The following TACR3 variants were observed in gnomAD, a reference collection of about 807,000 sequenced individuals.
The protein encoded by TACR3 is neuromedin-K receptor.
In TACR3, 34 loss-of-function variants were observed where a neutral mutation model predicts 35.0. That is an observed-to-expected ratio of 0.97 (90% CI 0.74 to 1.30). The LOEUF (loss-of-function observed/expected upper bound fraction) is 1.30, where lower values mean the gene tolerates loss of function less well. Among genes scored for constraint, TACR3 ranks in the 50% most tolerant of loss-of-function variants. The pLI is 0.00. For synonymous variants in TACR3, 233 were observed against 221.1 expected (o/e 1.05, Z -0.48); for missense variants, 558 against 591.7 (o/e 0.94, Z 0.59).
chr4:103,628,804 A>C (rs369182238), intron 3 of TACR3, among the ~76,000 whole-genome samples: 1 of 151,002 alleles, frequency 6.6e-6, no homozygotes. Flanking sequence ...TTTATGAGGC[A>C]AGCATCATCC....
At chr4:103,601,435 T>G (rs55691624) in intron 3 of TACR3, among the ~76,000 whole-genome samples, 5,257 of 152,240 alleles carry the variant, frequency 0.035, 329 homozygotes, top group African/African-American at 0.12. Flanking sequence ...ATTATGATGT[T>G]AGCTGGTTAT....
chr4:103,716,171 A>T (rs924209932), intron 1 of TACR3, among the ~76,000 whole-genome samples: 5 of 151,122 alleles, frequency 3.3e-5, no homozygotes, highest in African/African-American at 1.2e-4. Flanking sequence ...TTGGGGAAGG[A>T]TGGTGGAGAG....
chr4:103,699,695 A>T (rs752025711), intron 1 of TACR3, among the ~76,000 whole-genome samples: 1 of 152,158 alleles, frequency 6.6e-6, no homozygotes, highest in Non-Finnish European at 1.5e-5. Flanking sequence ...AGTAGACATG[A>T]CTAGATTTGC....
chr4:103,658,376 T>C lies in TACR3; in HGVS notation c.576A>G (p.Lys192=). ...DRYMAIIDPL[K]PRLSATATKI... The stretch of plus-strand genomic sequence containing the variant: ...TGGTTGCTGTAGCAGACAGTCTGGG[T>C]TTCAAGGGATCAATAATAGCCATAT... Residue 192 remains lysine (K), a synonymous_variant, in exon 2 of 5, where the codon AAA becomes AAG. Coordinates refer to ENST00000304883, the MANE Select transcript of TACR3 (RefSeq NM_001059.3). 3 of 1,613,736 alleles carry C rather than the reference T, an allele frequency of 1.9e-6. No individual in the cohort carries two copies. The highest frequency in any genetic ancestry group is 2.5e-6 in the Non-Finnish European group (3 of 1,179,878).
At chr4:103,710,826 C>G (rs1366526083) in intron 1 of TACR3, among the ~76,000 whole-genome samples, 2 of 152,116 alleles carry the variant, frequency 1.3e-5, no homozygotes, top group South Asian at 4.1e-4. Context: ...ACTGATCCCA[C>G]GGAAATACGA....
At chr4:103,674,351 A>G (rs2110205113) in intron 1 of TACR3, among the ~76,000 whole-genome samples, 1 of 151,852 alleles carries the variant, frequency 6.6e-6, no homozygotes, top group East Asian at 1.9e-4. Flanking sequence ...GGTCCTCAGG[A>G]AGAGTGAGTA....
At chr4:103,639,793 G>T (rs1279475708) in intron 3 of TACR3, among the ~76,000 whole-genome samples, 1 of 151,892 alleles carries the variant, frequency 6.6e-6, no homozygotes, top group African/African-American at 2.4e-5. Context: ...AACCCTTCTA[G>T]TTACTTCTTT....
At chr4:103,693,614 A>G (rs571216897) in intron 1 of TACR3, among the ~76,000 whole-genome samples, 1 of 152,222 alleles carries the variant, frequency 6.6e-6, no homozygotes, top group Non-Finnish European at 1.5e-5. Context: ...GCATATTTGT[A>G]TTGATATTTT....
intron 1 of TACR3, among the ~76,000 whole-genome samples, chr4:103,697,342 G>A (rs188818267): frequency 3.9e-4 from 60 of 152,180 alleles, no homozygotes; most frequent in Admixed American, 6.5e-4. Context: ...TTAATATGAC[G>A]TGGTAACTGA....
chr4:103,629,154 C>T (rs891730692), intron 3 of TACR3, among the ~76,000 whole-genome samples: 26 of 152,240 alleles, frequency 1.7e-4, no homozygotes, highest in African/African-American at 4.8e-4. Context: ...ATAATCAGAG[C>T]TATTTATGAC....
chr4:103,601,660 G>C (rs1360991298), intron 3 of TACR3, among the ~76,000 whole-genome samples: 2 of 152,118 alleles, frequency 1.3e-5, no homozygotes, highest in Non-Finnish European at 1.5e-5. Flanking sequence ...AGTTTGGCTG[G>C]ATATGAAATT....
intron 3 of TACR3, among the ~76,000 whole-genome samples, chr4:103,596,952 T>C (rs1402575274): frequency 2.0e-5 from 3 of 151,998 alleles, no homozygotes; most frequent in African/African-American, 7.3e-5. Context: ...TATGGCTGCA[T>C]AGTATTCCAT....
intron 1 of TACR3, among the ~76,000 whole-genome samples, chr4:103,692,691 T>C (rs1722432608): frequency 6.6e-6 from 1 of 152,162 alleles, no homozygotes; most frequent in South Asian, 2.1e-4. Flanking sequence ...ACAAATCCAA[T>C]CAGTGGAACC....
intron 1 of TACR3, among the ~76,000 whole-genome samples, chr4:103,713,389 G>A (rs553842889): frequency 1.6e-4 from 24 of 146,122 alleles, no homozygotes; most frequent in Admixed American, 1.4e-3. Flanking sequence ...ACCAAACAGC[G>A]CATGTTCTCA....
At chr4:103,624,711 T>C (rs1213331766) in intron 3 of TACR3, among the ~76,000 whole-genome samples, 1 of 152,174 alleles carries the variant, frequency 6.6e-6, no homozygotes, top group African/African-American at 2.4e-5. Flanking sequence ...AGCATTTGTG[T>C]AACATGGTTT....
At chr4:103,691,497 G>A (rs769510042) in intron 1 of TACR3, among the ~76,000 whole-genome samples, 27 of 152,154 alleles carry the variant, frequency 1.8e-4, no homozygotes, top group Non-Finnish European at 3.7e-4. Flanking sequence ...CCTTTGTGAT[G>A]ATGAAATTGT....
At chr4:103,604,635 AT>A (rs1298787762) in intron 3 of TACR3, among the ~76,000 whole-genome samples, 1 of 152,112 alleles carries the variant, frequency 6.6e-6, no homozygotes, top group African/African-American at 2.4e-5. Flanking sequence ...TTTGCAATGT[AT>A]CCATCTGACA....
intron 3 of TACR3, 74 bp from the exon 4 acceptor site, chr4:103,591,757 T>C (rs2110283371): frequency 7.2e-7 from 1 of 1,395,966 alleles, no homozygotes; most frequent in South Asian, 1.2e-5. Context: ...CAAATCATGC[T>C]TTTCTGCCAA....
intron 1 of TACR3, among the ~76,000 whole-genome samples, chr4:103,697,398 A>ATTTATTTG (rs1553912029): frequency 7.9e-6 from 1 of 126,890 alleles, no homozygotes; most frequent in East Asian, 2.3e-4. Context: ...TTATTTATTT[A>ATTTATTTG]TTTGTTTATT....
Sources: allele counts gnomAD v4.1 joint callset (sites outside exome capture counted in the v4.1 genomes callset), GRCh38; gene constraint gnomAD v4.1.1; transcripts MANE v1.5; gene names NCBI Gene and HGNC (gene_info 2026-07-23, HGNC 2026-07-21).